The following CPLANE1 variants were observed in gnomAD, a reference collection of about 807,000 sequenced individuals.
CPLANE1 encodes ciliogenesis and planar polarity effector 1.
CPLANE1 carries 263 observed loss-of-function variants against 362.5 expected under a neutral mutation model. The observed-to-expected ratio is 0.73, with a 90% CI of 0.66 to 0.80. CPLANE1 has a LOEUF of 0.80. Ranked by LOEUF, CPLANE1 falls within the 30% of genes least tolerant of loss-of-function variation. CPLANE1 has a pLI of 0.00. For missense variants in CPLANE1, 3,461 were observed against 3,793.4 expected, an observed-to-expected ratio of 0.91 and a Z score of 2.30; for synonymous variants, 1,212 against 1,302.6, an observed-to-expected ratio of 0.93 and a Z score of 1.50.
intron 8 of CPLANE1, among the ~76,000 whole-genome samples, chr5:37,235,567 CTTTTTTTTTTTT>C (rs546612161): frequency 2.1e-5 from 2 of 93,362 alleles, no homozygotes; most frequent in Admixed American, 1.3e-4. Flanking sequence ...TATCTAATTT[CTTTTTTTTTTTT>C]TTTTTTTTTT....
chr5:37,198,545 C>T (rs1788224740), intron 20 of CPLANE1, among the ~76,000 whole-genome samples, 157 bp downstream of exon 20: 1 of 152,134 alleles, frequency 6.6e-6, no homozygotes, highest in African/African-American at 2.4e-5. Flanking sequence ...CACCTTTCAA[C>T]AGGAAGAATC....
At position 37,186,386 on chromosome 5, in the gene CPLANE1, T is replaced by G; in HGVS notation, c.4089A>C (p.Glu1363Asp). 3.2e-6 allele frequency: 5 copies of G among 1,539,272 alleles called. No homozygotes were observed. The highest frequency in any genetic ancestry group is 4.5e-6 in the Non-Finnish European group (5 of 1,117,036). Residue 1363 changes from glutamate (E) to aspartate (D), a missense_variant, in exon 24 of 53, where the codon GAA (glutamate) becomes GAC (aspartate). By Grantham distance (45) the Glu-to-Asp change is conservative. Transcript: ENST00000651892. ...GELPPIRKVAEIFVKAFPYPE... is the reference protein window; with the variant it reads ...GELPPIRKVADIFVKAFPYPE... ...GATAGGGAAATGCTTTCACGAAAAT[T>G]TCTGCTACCTTCAGAAAAAAAATTG...
chr5:37,195,977 A>G lies in CPLANE1; in HGVS notation c.3692T>C (p.Leu1231Pro), dbSNP rs1325366988. Reference protein sequence around the residue: ...VMQKIRMKGSLPSLSPFPQSL... With the variant: ...VMQKIRMKGSPPSLSPFPQSL... Reference sequence around the variant, plus strand: ...CTGAGGAAAAGGACTCAGTGAAGGAAGGGATCCTTTCATTCGAATCTAAAA... The same window carrying G: ...CTGAGGAAAAGGACTCAGTGAAGGAGGGGATCCTTTCATTCGAATCTAAAA... The change falls in exon 21 of 53, where the codon CTT becomes CCT. Residue 1231 changes from leucine to proline, a missense_variant. Physicochemically the swap from Leu to Pro is moderately conservative, Grantham distance 98. Around this residue, in one of 2 missense-constraint regions of CPLANE1, gnomAD observed 3,380 missense variants for 3,666.1 expected, o/e 0.92. Transcript: ENST00000651892. The G allele has an allele frequency of 6.2e-7, 1 of 1,605,102 alleles. No individual in the cohort carries two copies. Among genetic ancestry groups the G allele is most frequent in the Admixed American group, 1.7e-5 (1 of 57,550 alleles).
At chr5:37,080,957 T>C in the CPLANE1 span, among the ~76,000 whole-genome samples, 1 of 152,186 alleles carries the variant, frequency 6.6e-6, no homozygotes, top group African/African-American at 2.4e-5. Context: ...ATAAAAACTA[T>C]CAACTTTTCA....
At chr5:37,134,284 G>A (rs1280843519) in intron 46 of CPLANE1, among the ~76,000 whole-genome samples, 1 of 152,034 alleles carries the variant, frequency 6.6e-6, no homozygotes, top group Non-Finnish European at 1.5e-5. Context: ...TTTATTGGTT[G>A]GTGGGTTTTT....
At chr5:37,210,743 G>A (rs1792354998) in intron 16 of CPLANE1, 1 of 1,569,488 alleles carries the variant, frequency 6.4e-7, no homozygotes, top group Non-Finnish European at 8.8e-7. Context: ...AACTGGAAGA[G>A]AGTAGAAATG....
At chr5:37,166,326 C>G (rs972413058) in intron 35 of CPLANE1, among the ~76,000 whole-genome samples, 4 of 152,166 alleles carry the variant, frequency 2.6e-5, no homozygotes, top group African/African-American at 9.7e-5. Flanking sequence ...ATCACCTACC[C>G]TCCTGCTTAC....
chr5:37,104,726 T>C (rs1037187683), downstream of CPLANE1, among the ~76,000 whole-genome samples: 2 of 150,832 alleles, frequency 1.3e-5, no homozygotes, highest in African/African-American at 4.9e-5. Flanking sequence ...GCCAACATTG[T>C]GAAACCCCAT....
At position 37,162,514 on chromosome 5, in the gene CPLANE1, TAC is replaced by T. The variant is rs1777097229; in HGVS notation, c.7639_7640del (p.Val2547LysfsTer19). 6 of 1,613,292 alleles carry T rather than the reference TAC, an allele frequency of 3.7e-6. No homozygotes were observed. Among genetic ancestry groups the T allele is most frequent in the Non-Finnish European group, 5.1e-6 (6 of 1,179,456 alleles). On this transcript the variant is annotated frameshift_variant, in exon 38 of 53. Transcript: ENST00000651892. LOFTEE classifies it high-confidence loss of function. ...TSAGLHFMAS[V>X]KKKAIGSQDA... ...CTTGACTTCCTATAGCTTTCTTTTT[TAC>T]AGAGGCCATGAAATGCAATCCAGCT...
intron 40 of CPLANE1, 122 bp downstream of exon 40, chr5:37,157,548 T>G (rs1280532689): frequency 8.9e-7 from 1 of 1,123,380 alleles, no homozygotes; most frequent in African/African-American, 1.6e-5. Context: ...TTTCTGTGCA[T>G]GTAAACATCC....
intron 31 of CPLANE1, among the ~76,000 whole-genome samples, chr5:37,174,574 TA>T (rs531733099): frequency 6.6e-5 from 10 of 151,404 alleles, no homozygotes; most frequent in African/African-American, 2.2e-4. Flanking sequence ...GTTTTTTTTT[TA>T]AAAAAACAAA....
At chr5:37,082,539 C>G in the CPLANE1 span, among the ~76,000 whole-genome samples, 4 of 152,102 alleles carry the variant, frequency 2.6e-5, no homozygotes, top group African/African-American at 9.7e-5. Flanking sequence ...AAGTATATAA[C>G]AGTCAACTAA....
chr5:37,115,514 A>G (rs1344379935), intron 50 of CPLANE1, among the ~76,000 whole-genome samples: 1 of 152,130 alleles, frequency 6.6e-6, no homozygotes, highest in African/African-American at 2.4e-5. Context: ...TAGGTTTCAA[A>G]TAACTTATCT....
chr5:37,166,449 C>T (rs949000040), intron 35 of CPLANE1, among the ~76,000 whole-genome samples: 4 of 152,086 alleles, frequency 2.6e-5, no homozygotes, highest in Non-Finnish European at 5.9e-5. Flanking sequence ...AGAGTTCAAC[C>T]ATGGTTCGAA....
chr5:37,132,962 T>C (rs547225026), intron 46 of CPLANE1, among the ~76,000 whole-genome samples: 8 of 152,330 alleles, frequency 5.3e-5, no homozygotes, highest in African/African-American at 1.4e-4. Flanking sequence ...TGGTGAAAGG[T>C]AGGGGTCCAG....
chr5:37,208,681 C>A (rs1179328662), intron 16 of CPLANE1, among the ~76,000 whole-genome samples: 22 of 113,988 alleles, frequency 1.9e-4, no homozygotes, highest in Admixed American at 5.1e-4. Flanking sequence ...TGTCTCCCCC[C>A]CCCCCCAAAA....
chr5:37,215,548 G>A (rs1391304971), intron 15 of CPLANE1, among the ~76,000 whole-genome samples: 1 of 152,088 alleles, frequency 6.6e-6, no homozygotes, highest in East Asian at 1.9e-4. Context: ...GCATGAGGGT[G>A]TTGGTGCTCC....
chr5:37,220,791 T>A (rs1795201137), intron 15 of CPLANE1, among the ~76,000 whole-genome samples: 1 of 152,232 alleles, frequency 6.6e-6, no homozygotes, highest in Non-Finnish European at 1.5e-5. Flanking sequence ...AGTGCTGGGA[T>A]TACAGGCGTG....
In CPLANE1 at chr5:37,224,619, C is replaced by T. The variant is rs1490492363; in HGVS notation, c.2413G>A (p.Val805Ile). The stretch of plus-strand genomic sequence containing the variant: ...TGCAAATGACATAACAGGGACTTGA[C>T]AGTAGATGCTTCATGTGTCATCTTT... ...TEKMTHEASTVKSLLCHLQAN... is the reference protein window; with the variant it reads ...TEKMTHEASTIKSLLCHLQAN... Residue 805 changes from valine (V) to isoleucine (I), a missense_variant, in exon 13 of 53, where the codon GTC (valine) becomes ATC (isoleucine). Physicochemically the swap from Val to Ile is conservative, Grantham distance 29. This residue lies in a region of CPLANE1 where 3,380 missense variants were observed against 3,666.1 expected (regional missense o/e 0.92). Transcript: ENST00000651892. 19 of 1,551,278 alleles carry T rather than the reference C, an allele frequency of 1.2e-5. 1 individual carries two copies. Among genetic ancestry groups the T allele is most frequent in the Non-Finnish European group, 1.1e-5 (13 of 1,146,656 alleles).
Sources: allele counts gnomAD v4.1 joint callset (sites outside exome capture counted in the v4.1 genomes callset), GRCh38; gene constraint gnomAD v4.1.1; regional missense constraint gnomAD v4.1.1; transcripts MANE v1.5; gene names NCBI Gene and HGNC (gene_info 2026-07-23, HGNC 2026-07-21).